Variants in CRB1 observed in about 807,000 individuals in gnomAD.
CRB1 encodes protein crumbs homolog 1.
Under a neutral mutation model 120.0 loss-of-function variants are expected in CRB1, and 83 were observed. The observed-to-expected ratio is 0.69, with a 90% CI of 0.58 to 0.83. The LOEUF (loss-of-function observed/expected upper bound fraction) is 0.83. Among genes scored for constraint, CRB1 ranks in the 40% least tolerant of loss-of-function variants. The pLI, the probability that CRB1 is intolerant of heterozygous loss-of-function variation, is 0.00. For synonymous variants in CRB1, 625 were observed against 612.5 expected, an observed-to-expected ratio of 1.02 and a Z score of -0.30; for missense variants, 1,699 against 1,687.6, an observed-to-expected ratio of 1.01 and a Z score of -0.12.
intron 6 of CRB1, among the ~76,000 whole-genome samples, chr1:197,423,054 AT>A (rs11453305): frequency 1.3e-5 from 2 of 152,136 alleles, no homozygotes; most frequent in Non-Finnish European, 2.9e-5. Flanking sequence ...TTGTTTTGTG[AT>A]TTTTTTTAAG....
intron 11 of CRB1, among the ~76,000 whole-genome samples, chr1:197,459,691 T>A (rs1187058487): frequency 1.3e-5 from 2 of 152,102 alleles, no homozygotes; most frequent in Non-Finnish European, 2.9e-5. Context: ...CATGGCAGGA[T>A]CTTACACCAA....
intron 8 of CRB1, among the ~76,000 whole-genome samples, chr1:197,432,357 A>AACACACAC (rs35921087): frequency 4.3e-5 from 6 of 139,848 alleles, no homozygotes; most frequent in African/African-American, 1.3e-4. Flanking sequence ...ACCTGGTTGA[A>AACACACAC]ACACACACAC....
intron 1 of CRB1, among the ~76,000 whole-genome samples, chr1:197,307,687 G>T (rs939353782): frequency 6.6e-6 from 1 of 152,124 alleles, no homozygotes; most frequent in Non-Finnish European, 1.5e-5. Flanking sequence ...TCACTGACAG[G>T]TAGATGATTT....
chr1:197,283,125 A>T (rs1655624892), intron 1 of CRB1, among the ~76,000 whole-genome samples: 1 of 151,966 alleles, frequency 6.6e-6, no homozygotes, highest in African/African-American at 2.4e-5. Context: ...AAAAAATAAA[A>T]ATAAACACAT....
chr1:197,259,240 G>T, the CRB1 span, among the ~76,000 whole-genome samples: 1 of 152,190 alleles, frequency 6.6e-6, no homozygotes. Flanking sequence ...TATGTTTATT[G>T]CAGTGCTATT....
At chr1:197,283,396 C>G (rs777094996) in intron 1 of CRB1, among the ~76,000 whole-genome samples, 1 of 151,754 alleles carries the variant, frequency 6.6e-6, no homozygotes, top group African/African-American at 2.4e-5. Flanking sequence ...ATCCCCCTCC[C>G]GCCCTTTCCT....
At chr1:197,297,019 T>G (rs1376526425) in intron 1 of CRB1, among the ~76,000 whole-genome samples, 2 of 152,068 alleles carry the variant, frequency 1.3e-5, no homozygotes, top group Non-Finnish European at 2.9e-5. Context: ...TCCTCCTTGA[T>G]TGACTTCCTC....
At chr1:197,451,749 A>G (rs754601967) in intron 11 of CRB1, among the ~76,000 whole-genome samples, 12 of 152,230 alleles carry the variant, frequency 7.9e-5, no homozygotes, top group Admixed American at 4.6e-4. Context: ...GCAAGAGAGC[A>G]ATTGGGAAAG....
At chr1:197,256,932 C>CGTGTGTGTGTGT in the CRB1 span, among the ~76,000 whole-genome samples, 108 of 141,496 alleles carry the variant, frequency 7.6e-4, 1 homozygote, top group Middle Eastern at 7.0e-3. Context: ...ATAGGATTTG[C>CGTGTGTGTGTGT]GTGTGTGTGT....
chr1:197,258,014 C>A, the CRB1 span, among the ~76,000 whole-genome samples: 3 of 152,132 alleles, frequency 2.0e-5, no homozygotes, highest in East Asian at 5.8e-4. Flanking sequence ...GCTGCCTTTC[C>A]ATTTCTCTGA....
intron 5 of CRB1, among the ~76,000 whole-genome samples, chr1:197,391,224 T>G (rs1258549989): frequency 1.3e-5 from 2 of 152,078 alleles, no homozygotes; most frequent in East Asian, 1.9e-4. Context: ...GGAGTGAAAA[T>G]AAATTTGTTT....
chr1:197,215,084 T>G, the CRB1 span, among the ~76,000 whole-genome samples: 1 of 152,114 alleles, frequency 6.6e-6, no homozygotes, highest in East Asian at 1.9e-4. Context: ...ATCATTTCAA[T>G]AGAGGCAGAA....
chr1:197,310,101 A>G (rs1657425464), intron 1 of CRB1, among the ~76,000 whole-genome samples: 2 of 152,150 alleles, frequency 1.3e-5, no homozygotes, highest in Non-Finnish European at 2.9e-5. Context: ...TAAACATTTG[A>G]ATGATAAATT....
In CRB1 at chr1:197,400,513, A is replaced by C. The variant is rs575787719; in HGVS notation, c.1172-20487A>C. ...GATGATGATGATGATGTAATACACA[A>C]AGACACATTTTAAAAACAGAAACTA... On this transcript the variant is annotated intron_variant, in intron 5 of 11. Coordinates refer to ENST00000367400, the MANE Select transcript of CRB1 (RefSeq NM_201253.3). 1.4e-4 allele frequency among the ~76,000 whole-genome samples: 21 copies of C among 151,996 alleles called. 1 individual carries two copies. The East Asian group carries it at 4.1e-3, about 29-fold the overall frequency.
chr1:197,448,602 C>T (rs936921818), intron 11 of CRB1, among the ~76,000 whole-genome samples: 24 of 152,214 alleles, frequency 1.6e-4, no homozygotes, highest in African/African-American at 5.1e-4. Flanking sequence ...TCTTCCCTTA[C>T]GTGCTGTTCC....
upstream of CRB1, among the ~76,000 whole-genome samples, chr1:197,264,666 G>T (rs933701167): frequency 2.0e-5 from 3 of 147,312 alleles, no homozygotes; most frequent in Admixed American, 6.8e-5. Flanking sequence ...CTGTCGCCCA[G>T]GCTGGAGTGC....
At chr1:197,405,123 C>G (rs971551704) in intron 5 of CRB1, among the ~76,000 whole-genome samples, 1 of 151,954 alleles carries the variant, frequency 6.6e-6, no homozygotes, top group South Asian at 2.1e-4. Flanking sequence ...CCTCTGATGC[C>G]GAGCCGAAGC....
chr1:197,327,322 C>T (rs1253843774), intron 1 of CRB1, among the ~76,000 whole-genome samples: 2 of 152,138 alleles, frequency 1.3e-5, no homozygotes, highest in Admixed American at 1.3e-4. Context: ...TAGAGAATTA[C>T]CTGTTTCATA....
At chr1:197,431,346 G>A (rs1664860738) in intron 8 of CRB1, among the ~76,000 whole-genome samples, 1 of 151,880 alleles carries the variant, frequency 6.6e-6, no homozygotes. Context: ...TAAGAAATAG[G>A]TACCACACAT....
Sources: gnomAD v4.1 joint callset for allele counts (sites outside exome capture counted in the v4.1 genomes callset) on GRCh38, gnomAD v4.1.1 for gene constraint, MANE v1.5 for transcripts, NCBI Gene and HGNC (gene_info 2026-07-23, HGNC 2026-07-21) for gene names.